JARID2: variants seen among roughly 807,000 people sequenced by gnomAD.
JARID2 encodes jumonji and AT-rich interaction domain containing 2, also known as protein Jumonji.
A neutral mutation model predicts 125.6 loss-of-function variants in JARID2; 21 were observed. That is an observed-to-expected ratio of 0.17 (90% CI 0.12 to 0.24). The LOEUF (loss-of-function observed/expected upper bound fraction) is 0.24, where lower values mean the gene tolerates loss of function less well. Among genes scored for constraint, JARID2 ranks in the 10% least tolerant of loss-of-function variants. The probability of loss-of-function intolerance (pLI) is 1.00; values close to 1 mark genes in which losing one functional copy is unlikely to be tolerated. For synonymous variants in JARID2, 736 were observed against 661.6 expected (o/e 1.11, Z -1.73); for missense variants, 1,303 against 1,639.6 (o/e 0.79, Z 3.55).
At chr6:15,478,526 A>G (rs189961139) in intron 5 of JARID2, among the ~76,000 whole-genome samples, 1 of 151,566 alleles carries the variant, frequency 6.6e-6, no homozygotes, top group African/African-American at 2.4e-5. Context: ...TCTAACTCGC[A>G]TGTGCATATT....
At chr6:15,497,280 C>T (rs1306575521) in intron 7 of JARID2, 110 bp downstream of exon 7, 1 of 850,726 alleles carries the variant, frequency 1.2e-6, no homozygotes, top group East Asian at 2.7e-5. Flanking sequence ...TCCAGTTCCG[C>T]TTCCCTGTCT....
chr6:15,277,916 G>C (rs900170552), intron 1 of JARID2, among the ~76,000 whole-genome samples: 1 of 152,002 alleles, frequency 6.6e-6, no homozygotes. Flanking sequence ...CACTGTTGGA[G>C]TATGCTGTAA....
intron 1 of JARID2, among the ~76,000 whole-genome samples, chr6:15,298,799 G>T (rs961422045): frequency 1.3e-5 from 2 of 151,900 alleles, no homozygotes; most frequent in African/African-American, 4.8e-5. Context: ...TCCCTGAGCT[G>T]CTGAAAATAA....
chr6:15,513,317 C>T lies in JARID2; in HGVS notation c.3345C>T (p.Gly1115=), dbSNP rs754766433. The change falls in exon 16 of 18, where the codon GGC becomes GGT. Residue 1115 remains glycine (G), a synonymous_variant. Transcript: ENST00000341776. The stretch of plus-strand genomic sequence containing the variant: ...CCGCACGCTATGGCAGCCACGATGG[C>T]AGCAGCACGGTGGCGGACGGGAAGA... ...HSSARYGSHD[G]SSTVADGKKK... is the part of the protein sequence containing the mutation. 11 of 1,610,260 alleles carry T rather than the reference C, an allele frequency of 6.8e-6. No individual in the cohort carries two copies. The highest frequency in any genetic ancestry group is 7.6e-6 in the Non-Finnish European group (9 of 1,178,722).
At chr6:15,248,401 G>C (rs1321472591) in intron 1 of JARID2, 3 of 139,240 alleles carry the variant, frequency 2.2e-5, no homozygotes, top group South Asian at 4.4e-4. Flanking sequence ...CGCGGCCTGC[G>C]GGGCGCGGGG....
chr6:15,508,169 T>C (rs1036690717), intron 11 of JARID2, among the ~76,000 whole-genome samples, 171 bp from the exon 12 acceptor site: 1 of 152,222 alleles, frequency 6.6e-6, no homozygotes, highest in Non-Finnish European at 1.5e-5. Context: ...CCCACTTCTG[T>C]AGAGCAAGCA....
Position 15,247,373 on chromosome 6 carries a change from C to G in JARID2, c.45+789C>G, listed in dbSNP as rs751453761. The G allele has an allele frequency of 8.4e-5, 78 of 925,426 alleles. 1 individual carries two copies. The highest frequency in any genetic ancestry group is 3.1e-4 in the Admixed American group (5 of 16,044). 57.3% of individuals were successfully genotyped at this position (925,426 alleles called of 1,614,324 possible). On this transcript the variant is annotated intron_variant, in intron 1 of 17. Coordinates refer to ENST00000341776, the MANE Select transcript of JARID2 (RefSeq NM_004973.4). ...AGTTAAATTTGTTTTGTGCATAGTA[C>G]AGCTACGTTTTGATTGGCATGGGGA...
At position 15,371,908 on chromosome 6, in the gene JARID2, A is replaced by G. The variant is rs116336004; in HGVS notation, c.46-2209A>G. ...CCTTCTTCTAGAGGCACTGCCCAGC[A>G]GTCGGAAATCTCAGCCTGGCAGGCT... On this transcript the variant is annotated intron_variant, in intron 1 of 17. Coordinates refer to ENST00000341776, the MANE Select transcript of JARID2 (RefSeq NM_004973.4). Among the ~76,000 whole-genome samples the G allele has an allele frequency of 3.9e-3, 595 of 152,320 alleles. 5 individuals carry two copies. The highest frequency in any genetic ancestry group is 0.024 in the Middle Eastern group (7 of 294).
At chr6:15,248,206 G>A in intron 1 of JARID2, 1 of 556,048 alleles carries the variant, frequency 1.8e-6, no homozygotes, top group Non-Finnish European at 2.3e-6. Context: ...CGACGTCCTC[G>A]AGCCGGCTGC....
intron 2 of JARID2, among the ~76,000 whole-genome samples, chr6:15,395,907 C>G (rs972845322): frequency 1.3e-5 from 2 of 152,180 alleles, no homozygotes; most frequent in Non-Finnish European, 2.9e-5. Context: ...TTGTGACCTG[C>G]CCGCCTTGGC....
chr6:15,268,819 C>G (rs1454285589), intron 1 of JARID2, among the ~76,000 whole-genome samples: 1 of 152,196 alleles, frequency 6.6e-6, no homozygotes, highest in Non-Finnish European at 1.5e-5. Context: ...CACAGCATCT[C>G]TCATTTAAAA....
At chr6:15,271,717 G>A (rs1022054028) in intron 1 of JARID2, among the ~76,000 whole-genome samples, 2 of 151,858 alleles carry the variant, frequency 1.3e-5, no homozygotes, top group South Asian at 2.1e-4. Context: ...ACAGTGATGC[G>A]GGCCAAGCAC....
chr6:15,414,339 G>A (rs79251203), intron 3 of JARID2, among the ~76,000 whole-genome samples: 6,471 of 152,196 alleles, frequency 0.043, 385 homozygotes, highest in African/African-American at 0.13. Context: ...CTTAAGTGTT[G>A]TTTTTCTGCA....
intron 12 of JARID2, chr6:15,508,895 A>C: frequency 8.8e-7 from 1 of 1,138,020 alleles, no homozygotes; most frequent in Non-Finnish European, 1.2e-6. Context: ...AACCAGTAGT[A>C]GTGACCGTGT....
At position 15,303,623 on chromosome 6, in the gene JARID2, GA is replaced by G. The variant is rs1288643318; in HGVS notation, c.45+57041del. On this transcript the variant is annotated intron_variant, in intron 1 of 17. Coordinates refer to ENST00000341776, the MANE Select transcript of JARID2 (RefSeq NM_004973.4). ...CCCAGCCAAATAATACCCAATGTGAGAAGAGTTGCTCCTCCTTTGTTATTAT... is the reference window on the plus strand; with the variant it reads ...CCCAGCCAAATAATACCCAATGTGAGAGAGTTGCTCCTCCTTTGTTATTAT... Among the ~76,000 whole-genome samples the G allele has an allele frequency of 9.9e-5, 15 of 152,204 alleles. 1 individual carries two copies. Among genetic ancestry groups the G allele is most frequent in the African/African-American group, 3.6e-4 (15 of 41,450 alleles).
rs138936998 is a variant in JARID2 at position 15,357,872 on chromosome 6, C to G, written c.46-16245C>G. 1.9e-3 allele frequency among the ~76,000 whole-genome samples: 294 copies of G among 152,298 alleles called. 1 individual carries two copies. The highest frequency in any genetic ancestry group is 6.6e-3 in the African/African-American group (275 of 41,562). On this transcript the variant is annotated intron_variant, in intron 1 of 17. Coordinates refer to ENST00000341776, the MANE Select transcript of JARID2 (RefSeq NM_004973.4). The stretch of plus-strand genomic sequence containing the variant: ...ACACCCCCTTCTCTTGTTTAAACAT[C>G]TTCCAGATGTGTTTCTTTGTATCAC...
chr6:15,362,701 T>C (rs1481784671), intron 1 of JARID2, among the ~76,000 whole-genome samples: 1 of 152,156 alleles, frequency 6.6e-6, no homozygotes, highest in African/African-American at 2.4e-5. Flanking sequence ...GGGGAAGTGG[T>C]GACATGGATG....
intron 4 of JARID2, among the ~76,000 whole-genome samples, chr6:15,458,429 C>T (rs986443236): frequency 4.6e-5 from 7 of 152,104 alleles, no homozygotes; most frequent in South Asian, 2.1e-4. Context: ...GGGAGTTCCT[C>T]GTAAATATCC....
chr6:15,442,727 A>G (rs2127620628), intron 3 of JARID2, among the ~76,000 whole-genome samples: 1 of 152,322 alleles, frequency 6.6e-6, no homozygotes, highest in Non-Finnish European at 1.5e-5. Flanking sequence ...TTGATTAATG[A>G]TGATCCCTCT....
Sources: allele counts gnomAD v4.1 joint callset (sites outside exome capture counted in the v4.1 genomes callset), GRCh38; gene constraint gnomAD v4.1.1; transcripts MANE v1.5; gene names NCBI Gene and HGNC (gene_info 2026-07-23, HGNC 2026-07-21).